TENM3: variants seen among roughly 807,000 people sequenced by gnomAD.
TENM3 encodes teneurin-3.
A neutral mutation model predicts 255.1 loss-of-function variants in TENM3; 63 were observed. The ratio of observed to expected loss-of-function variants is 0.25; its 90% confidence interval spans 0.20 to 0.30. The LOEUF (loss-of-function observed/expected upper bound fraction) is 0.30. Ranked by LOEUF, TENM3 falls within the 10% of genes least tolerant of loss-of-function variation. The pLI, the probability that TENM3 is intolerant of heterozygous loss-of-function variation, is 1.00. For missense variants in TENM3, 2,929 were observed against 3,461.1 expected (o/e 0.85, Z 3.86); for synonymous variants, 1,306 against 1,322.3 (o/e 0.99, Z 0.27).
chr4:182,066,636 C>T, the TENM3 span, among the ~76,000 whole-genome samples: 4 of 150,062 alleles, frequency 2.7e-5, no homozygotes, highest in African/African-American at 7.3e-5. Context: ...TTGGGCCAGG[C>T]GCGGTGGCTC....
chr4:181,603,469 G>T, the TENM3 span, among the ~76,000 whole-genome samples: 197 of 152,246 alleles, frequency 1.3e-3, 1 homozygote, highest in Non-Finnish European at 2.4e-3. Flanking sequence ...AAGAAAGAAA[G>T]ACAACAATAC....
At chr4:182,081,376 G>A in the TENM3 span, among the ~76,000 whole-genome samples, 1 of 151,938 alleles carries the variant, frequency 6.6e-6, no homozygotes, top group African/African-American at 2.4e-5. Flanking sequence ...ACAAGGTCAG[G>A]AGTTCGAGAC....
the TENM3 span, among the ~76,000 whole-genome samples, chr4:182,136,379 T>C: frequency 6.6e-6 from 1 of 152,112 alleles, no homozygotes; most frequent in Non-Finnish European, 1.5e-5. Context: ...TTTCAAGCAG[T>C]TCTGATTCTT....
At chr4:182,419,240 A>AT (rs1210052394) in intron 3 of TENM3, among the ~76,000 whole-genome samples, 1 of 152,206 alleles carries the variant, frequency 6.6e-6, no homozygotes, top group Non-Finnish European at 1.5e-5. Context: ...AAAAGAAGAC[A>AT]TTTATGCAGC....
rs566907309 is a variant in TENM3 at position 182,497,767 on chromosome 4, A to T, written c.512-103157A>T. Among the ~76,000 whole-genome samples the T allele has an allele frequency of 2.0e-5, 3 of 150,776 alleles. No individual in the cohort carries two copies. In the East Asian group the frequency reaches 5.9e-4, roughly 30 times the overall value. ...ATTCTTCTTCATAAAAAGCAATCAG[A>T]GGTAGACATTTAAACATAGATTATG... On this transcript the variant is annotated intron_variant, in intron 3 of 27. Coordinates refer to ENST00000511685, the MANE Select transcript of TENM3 (RefSeq NM_001080477.4).
chr4:182,773,366 A>G, intron 22 of TENM3, 106 bp from the exon 23 acceptor site: 1 of 1,034,394 alleles, frequency 9.7e-7, no homozygotes, highest in Non-Finnish European at 1.4e-6. Flanking sequence ...ACGAAGACAA[A>G]TAGTCCTCCA....
At chr4:182,378,274 A>T (rs1307216634) in intron 3 of TENM3, among the ~76,000 whole-genome samples, 1 of 152,174 alleles carries the variant, frequency 6.6e-6, no homozygotes, top group African/African-American at 2.4e-5. Flanking sequence ...ACGACTGGGG[A>T]TATGGTGATG....
At chr4:182,448,218 G>A (rs970509553) in intron 3 of TENM3, among the ~76,000 whole-genome samples, 3 of 152,182 alleles carry the variant, frequency 2.0e-5, no homozygotes, top group African/African-American at 7.2e-5. Context: ...CCCCCGCCAC[G>A]GGCCGGTCCA....
chr4:182,201,418 GT>G (rs1218141601), intron 1 of TENM3, among the ~76,000 whole-genome samples: 5 of 152,166 alleles, frequency 3.3e-5, no homozygotes, highest in Non-Finnish European at 7.3e-5. Flanking sequence ...AAGATGAACA[GT>G]TTCGAGACAT....
chr4:181,709,565 C>A, the TENM3 span, among the ~76,000 whole-genome samples: 30 of 152,318 alleles, frequency 2.0e-4, no homozygotes, highest in Admixed American at 3.9e-4. Flanking sequence ...AGTGCAAAGG[C>A]CCTGTGGTAT....
chr4:182,778,689 T>C (rs1459755665), intron 24 of TENM3, among the ~76,000 whole-genome samples: 1 of 152,182 alleles, frequency 6.6e-6, no homozygotes, highest in Non-Finnish European at 1.5e-5. Context: ...AGCTGCCTGC[T>C]CCCAACATCA....
chr4:182,519,238 T>C (rs1231018674), intron 3 of TENM3, among the ~76,000 whole-genome samples: 1 of 152,234 alleles, frequency 6.6e-6, no homozygotes, highest in Non-Finnish European at 1.5e-5. Flanking sequence ...ATTTTGGATC[T>C]CTCATATTAA....
intron 1 of TENM3, among the ~76,000 whole-genome samples, chr4:182,198,228 C>T (rs148904952): frequency 6.6e-6 from 1 of 152,344 alleles, no homozygotes; most frequent in African/African-American, 2.4e-5. Context: ...ACACATTCTG[C>T]AGATTAGAGG....
chr4:182,687,103 T>C (rs568274631), intron 11 of TENM3, among the ~76,000 whole-genome samples: 164 of 152,258 alleles, frequency 1.1e-3, no homozygotes, highest in African/African-American at 3.8e-3. Flanking sequence ...AAACAGAACA[T>C]GTGACTACAT....
chr4:181,603,992 C>T, the TENM3 span, among the ~76,000 whole-genome samples: 4 of 152,192 alleles, frequency 2.6e-5, no homozygotes, highest in East Asian at 1.9e-4. Flanking sequence ...TTGCCGGGCG[C>T]GGTGGCTCAC....
At chr4:182,765,005 C>T (rs7699129) in intron 22 of TENM3, among the ~76,000 whole-genome samples, 146,662 of 152,220 alleles carry the variant, frequency 0.96, 70,902 homozygotes, top group East Asian at 1. Flanking sequence ...GATGAGTTTC[C>T]TTTTTCCCAA....
chr4:182,609,054 G>T (rs1748723722), intron 4 of TENM3, among the ~76,000 whole-genome samples: 2 of 152,208 alleles, frequency 1.3e-5, no homozygotes, highest in Non-Finnish European at 2.9e-5. Flanking sequence ...GGACCTCAGT[G>T]GCAACTCTTG....
intron 3 of TENM3, among the ~76,000 whole-genome samples, chr4:182,529,124 C>T (rs1412701176): frequency 2.0e-5 from 3 of 152,146 alleles, no homozygotes; most frequent in Non-Finnish European, 2.9e-5. Context: ...GAAGAGATTT[C>T]CAAGTAGATT....
At chr4:182,651,878 A>T (rs1056822588) in intron 5 of TENM3, among the ~76,000 whole-genome samples, 1 of 152,136 alleles carries the variant, frequency 6.6e-6, no homozygotes, top group Non-Finnish European at 1.5e-5. Context: ...AAGAATGTGG[A>T]CTGTTAATAG....
Sources: gnomAD v4.1 joint callset for allele counts (sites outside exome capture counted in the v4.1 genomes callset) on GRCh38, gnomAD v4.1.1 for gene constraint, MANE v1.5 for transcripts, NCBI Gene and HGNC (gene_info 2026-07-23, HGNC 2026-07-21) for gene names.